The following TACR3 variants were observed in gnomAD, a reference collection of about 807,000 sequenced individuals.
The protein encoded by TACR3 is neuromedin-K receptor.
TACR3 carries 34 observed loss-of-function variants against 35.0 expected under a neutral mutation model. The ratio of observed to expected loss-of-function variants is 0.97; its 90% CI spans 0.74 to 1.30. The LOEUF is 1.30. Among genes scored for constraint, TACR3 ranks in the 50% most tolerant of loss-of-function variants. The pLI is 0.00. For missense variants in TACR3, 558 were observed against 591.7 expected, an observed-to-expected ratio of 0.94 and a Z score of 0.59; for synonymous variants, 233 against 221.1, an observed-to-expected ratio of 1.05 and a Z score of -0.48.
chr4:103,679,061 C>T (rs1004519822), intron 1 of TACR3, among the ~76,000 whole-genome samples: 1 of 151,860 alleles, frequency 6.6e-6, no homozygotes, highest in East Asian at 1.9e-4. Flanking sequence ...GATTTCAGTT[C>T]CATTAATTTA....
At chr4:103,695,709 CTCTG>C (rs973591766) in intron 1 of TACR3, among the ~76,000 whole-genome samples, 11 of 139,296 alleles carry the variant, frequency 7.9e-5, no homozygotes, top group African/African-American at 2.9e-4. Context: ...ATGTCTCTCT[CTCTG>C]TGTGTGTGTG....
chr4:103,676,139 TCTC>T (rs1179843218), intron 1 of TACR3, among the ~76,000 whole-genome samples: 1 of 152,186 alleles, frequency 6.6e-6, no homozygotes, highest in Non-Finnish European at 1.5e-5. Flanking sequence ...GATTTATTCT[TCTC>T]TGTGTTCTGT....
Position 103,586,586 on chromosome 4 carries a change from G to T in TACR3, c.*3096C>A, listed in dbSNP as rs561720378. 2 of 151,976 alleles carry T rather than the reference G, an allele frequency of 1.3e-5. No individual in the cohort carries two copies. Among genetic ancestry groups the T allele is most frequent in the East Asian group, 3.9e-4 (2 of 5,172 alleles). 9.4% of individuals were successfully genotyped at this position (151,976 alleles called of 1,614,324 possible). On this transcript the variant is annotated 3_prime_UTR_variant, in exon 5 of 5. Transcript: ENST00000304883. ...CATAGGCTTGATACCAAGCTTCTTGGTATTCTTTATGTGCTTTGTAAGGGC... is the reference window on the plus strand; with the variant it reads ...CATAGGCTTGATACCAAGCTTCTTGTTATTCTTTATGTGCTTTGTAAGGGC...
intron 1 of TACR3, among the ~76,000 whole-genome samples, chr4:103,686,228 C>G (rs1286779927): frequency 6.6e-6 from 1 of 152,126 alleles, no homozygotes; most frequent in Non-Finnish European, 1.5e-5. Context: ...ATACTAGACC[C>G]TGGATGAATG....
At chr4:103,666,101 A>G (rs1254061810) in intron 1 of TACR3, among the ~76,000 whole-genome samples, 1 of 152,174 alleles carries the variant, frequency 6.6e-6, no homozygotes, top group Non-Finnish European at 1.5e-5. Context: ...GTCTAGCTCA[A>G]CCTTTTGGAA....
intron 3 of TACR3, among the ~76,000 whole-genome samples, chr4:103,629,891 AAC>A (rs1238391248): frequency 2.5e-5 from 3 of 121,766 alleles, no homozygotes; most frequent in African/African-American, 9.5e-5. Context: ...CAACAACAAC[AAC>A]AAAAAAAAAC....
chr4:103,611,572 A>G (rs1464372531), intron 3 of TACR3, among the ~76,000 whole-genome samples: 1 of 152,152 alleles, frequency 6.6e-6, no homozygotes, highest in African/African-American at 2.4e-5. Flanking sequence ...ACCTCTTTTG[A>G]ACTAATGCAA....
chr4:103,626,513 T>A (rs1252247002), intron 3 of TACR3, among the ~76,000 whole-genome samples: 1 of 152,256 alleles, frequency 6.6e-6, no homozygotes, highest in East Asian at 1.9e-4. Flanking sequence ...CTTGCAGGAA[T>A]GTGTGTCGGT....
chr4:103,616,607 C>T (rs1724666552), intron 3 of TACR3, among the ~76,000 whole-genome samples: 1 of 152,020 alleles, frequency 6.6e-6, no homozygotes, highest in Non-Finnish European at 1.5e-5. Flanking sequence ...AAAGATTATC[C>T]TAAAACCAAG....
At chr4:103,609,057 T>G (rs1724452478) in intron 3 of TACR3, among the ~76,000 whole-genome samples, 1 of 152,102 alleles carries the variant, frequency 6.6e-6, no homozygotes, top group Non-Finnish European at 1.5e-5. Context: ...CATATAAAAT[T>G]GAAAGTGCTC....
intron 1 of TACR3, among the ~76,000 whole-genome samples, chr4:103,687,058 G>A (rs1722264677): frequency 1.3e-5 from 2 of 151,842 alleles, no homozygotes; most frequent in Non-Finnish European, 2.9e-5. Flanking sequence ...ATGATCAAGT[G>A]GGCTTCATCC....
intron 1 of TACR3, among the ~76,000 whole-genome samples, chr4:103,707,559 C>G (rs868765130): frequency 6.6e-6 from 1 of 152,164 alleles, no homozygotes; most frequent in Non-Finnish European, 1.5e-5. Flanking sequence ...CTCCAGTCTA[C>G]AGCTCCCAGT....
intron 1 of TACR3, among the ~76,000 whole-genome samples, chr4:103,685,843 T>C (rs1165045248): frequency 6.6e-6 from 1 of 152,186 alleles, no homozygotes; most frequent in African/African-American, 2.4e-5. Context: ...ATTCCATGTC[T>C]ACCTCTCCCT....
intron 3 of TACR3, among the ~76,000 whole-genome samples, chr4:103,592,889 C>T (rs1037361702): frequency 2.6e-5 from 4 of 152,058 alleles, no homozygotes; most frequent in Admixed American, 1.3e-4. Flanking sequence ...TAACTCTTCC[C>T]TAAGGGCCAA....
intron 1 of TACR3, among the ~76,000 whole-genome samples, chr4:103,706,588 C>T (rs1195579235): frequency 6.6e-6 from 1 of 151,690 alleles, no homozygotes; most frequent in Admixed American, 6.6e-5. Context: ...TACATGAGTG[C>T]ATAGGGAGAG....
intron 3 of TACR3, among the ~76,000 whole-genome samples, chr4:103,618,764 A>C (rs942687888): frequency 2.6e-5 from 4 of 151,480 alleles, no homozygotes; most frequent in African/African-American, 9.7e-5. Context: ...GTCCTCTCTG[A>C]TTTCTTTCAG....
chr4:103,639,825 G>C (rs550869673), intron 3 of TACR3, among the ~76,000 whole-genome samples: 1 of 151,868 alleles, frequency 6.6e-6, no homozygotes, highest in African/African-American at 2.4e-5. Context: ...GAAAATAACA[G>C]TGATGTCTTC....
intron 1 of TACR3, among the ~76,000 whole-genome samples, chr4:103,675,590 G>A (rs1287456334): frequency 9.9e-5 from 15 of 152,144 alleles, no homozygotes; most frequent in Admixed American, 9.8e-4. Context: ...ACTTCTTCAG[G>A]TGTGAAGGGT....
At chr4:103,692,989 A>C (rs1722438579) in intron 1 of TACR3, among the ~76,000 whole-genome samples, 1 of 152,206 alleles carries the variant, frequency 6.6e-6, no homozygotes, top group Non-Finnish European at 1.5e-5. Flanking sequence ...CTCATTATTA[A>C]ATGTATACTT....
Sources: gnomAD v4.1 joint callset for allele counts (sites outside exome capture counted in the v4.1 genomes callset) on GRCh38, gnomAD v4.1.1 for gene constraint, MANE v1.5 for transcripts, NCBI Gene and HGNC (gene_info 2026-07-23, HGNC 2026-07-21) for gene names.